Variants in AEN observed in about 807,000 individuals in gnomAD.
AEN encodes apoptosis-enhancing nuclease.
Under a neutral mutation model 17.7 loss-of-function variants are expected in AEN, and 21 were observed. That is an observed-to-expected ratio of 1.19 (90% CI 0.84 to 1.71). The LOEUF is 1.71. Ranked by LOEUF, AEN falls within the 40% of genes most tolerant of loss-of-function variation. The pLI, the probability that AEN is intolerant of heterozygous loss-of-function variation, is 0.00. For synonymous variants in AEN, 190 were observed against 173.0 expected (o/e 1.10, Z -0.77); for missense variants, 462 against 435.9 (o/e 1.06, Z -0.53).
At chr15:88,606,795 C>A in the AEN span, among the ~76,000 whole-genome samples, 1 of 152,202 alleles carries the variant, frequency 6.6e-6, no homozygotes, top group African/African-American at 2.4e-5. Flanking sequence ...AGTAAAGGCG[C>A]ATAGCAGAGC....
chr15:88,611,956 C>T, the AEN span: 6 of 476,544 alleles, frequency 1.3e-5, no homozygotes, highest in Non-Finnish European at 1.7e-5. Context: ...GAAATGGGGG[C>T]AGCCCCCCTT....
chr15:88,618,765 C>A (rs2057758436), upstream of AEN, among the ~76,000 whole-genome samples: 1 of 152,104 alleles, frequency 6.6e-6, no homozygotes, highest in Non-Finnish European at 1.5e-5. Flanking sequence ...CTTTTAAATT[C>A]CTGATAATTA....
rs2057909527 is a variant in AEN at position 88,630,184 on chromosome 15, C to G, written c.868C>G (p.Pro290Ala). The G allele has an allele frequency of 6.2e-7, 1 of 1,613,442 alleles. No individual in the cohort carries two copies. Residue 290 changes from proline to alanine, a missense_variant, in exon 4 of 4, where the codon CCT (proline) becomes GCT (alanine). Pro to Ala is a conservative substitution (Grantham distance 27). Transcript: ENST00000332810. The surrounding 1 kb of genome is among the most constrained non-coding windows in gnomAD (Gnocchi z 5.1). ...SLWTCPEDRE[P>A]DSSTDMEQYM... ...CTGGACCTGCCCCGAGGACAGAGAA[C>G]CTGACAGCAGCACAGACATGGAACA...
chr15:88,629,515 C>G (rs1256475763), intron 3 of AEN, 89 bp downstream of exon 3: 22 of 1,456,098 alleles, frequency 1.5e-5, no homozygotes, highest in African/African-American at 1.4e-5. Flanking sequence ...GGCTGTGTCT[C>G]CAGCCTCCTT....
chr15:88,618,104 G>C (rs1021151492), upstream of AEN, among the ~76,000 whole-genome samples: 1 of 152,120 alleles, frequency 6.6e-6, no homozygotes, highest in Non-Finnish European at 1.5e-5. Context: ...CCCCTTGAGA[G>C]TTTGTAGATT....
chr15:88,622,402 G>A (rs1481559153), intron 1 of AEN, among the ~76,000 whole-genome samples: 1 of 152,198 alleles, frequency 6.6e-6, no homozygotes, highest in African/African-American at 2.4e-5. Context: ...AGCAGGAGGA[G>A]CCGCGGACAA....
chr15:88,624,124 C>T (rs1407832753), intron 1 of AEN, among the ~76,000 whole-genome samples: 2 of 152,240 alleles, frequency 1.3e-5, no homozygotes, highest in African/African-American at 4.8e-5. Flanking sequence ...ACACTTTATG[C>T]TTGGTTTCTG....
chr15:88,629,358 G>T lies in AEN; in HGVS notation c.673G>T (p.Gly225Cys). 6.2e-7 allele frequency: 1 copy of T among 1,614,084 alleles called. No homozygotes were observed. Among genetic ancestry groups the T allele is most frequent in the Non-Finnish European group, 8.5e-7 (1 of 1,180,008 alleles). ...TYVPNFLSEPGLHTRARVSLK... is the reference protein window; with the variant it reads ...TYVPNFLSEPCLHTRARVSLK... Reference sequence around the variant, plus strand: ...TGTCCCAAACTTCCTCAGCGAGCCCGGCCTCCACACCCGGGCCCGGGTCTC... The same window carrying T: ...TGTCCCAAACTTCCTCAGCGAGCCCTGCCTCCACACCCGGGCCCGGGTCTC... The change falls in exon 3 of 4, where the codon GGC (glycine) becomes TGC (cysteine). Residue 225 changes from glycine to cysteine, a missense_variant. Physicochemically the swap from Gly to Cys is radical, Grantham distance 159 (BLOSUM62 -3). Transcript: ENST00000332810.
chr15:88,605,445 C>T, the AEN span, among the ~76,000 whole-genome samples: 1 of 152,202 alleles, frequency 6.6e-6, no homozygotes, highest in African/African-American at 2.4e-5. This position sits in a 1 kb window ranked among gnomAD's most constrained non-coding sequence, Gnocchi z 7.6. Context: ...CTCCTCTTTG[C>T]TTTGCCTGCC....
In AEN at chr15:88,631,278, C is replaced by T. The variant is rs11559060; in HGVS notation, c.*984C>T. On this transcript the variant is annotated 3_prime_UTR_variant, in exon 4 of 4. Coordinates refer to ENST00000332810, the MANE Select transcript of AEN (RefSeq NM_022767.4). ...GGCTGGGGCAGGGCATTGGCAGTTA[C>T]GCAGTGGCCCTGAACCTGGTCTGGT... 49,148 of 411,234 alleles carry T rather than the reference C, an allele frequency of 0.12. 3,255 individuals are homozygous for T. Among genetic ancestry groups the T allele is most frequent in the African/African-American group, 0.17 (8,161 of 49,398 alleles). The allele number at this position is 411,234 out of a possible 1,614,324, so 25.5% of individuals were successfully genotyped here.
upstream of AEN, among the ~76,000 whole-genome samples, chr15:88,616,506 G>C (rs751492573): frequency 6.6e-6 from 1 of 152,218 alleles, no homozygotes; most frequent in Non-Finnish European, 1.5e-5. Context: ...GCAGAAGTTG[G>C]AGGGTGAGTT....
At chr15:88,618,085 T>C (rs972058060), upstream of AEN, among the ~76,000 whole-genome samples, 2 of 152,114 alleles carry the variant, frequency 1.3e-5, no homozygotes, top group Non-Finnish European at 2.9e-5. Flanking sequence ...GAAAATCCCT[T>C]TTTGCCTACC....
chr15:88,618,363 A>T (rs2141363156), upstream of AEN, among the ~76,000 whole-genome samples: 1 of 152,338 alleles, frequency 6.6e-6, no homozygotes, highest in South Asian at 2.1e-4. Flanking sequence ...TATGCAGATA[A>T]ATTTGAACTT....
chr15:88,609,548 G>T, the AEN span, among the ~76,000 whole-genome samples: 1 of 152,306 alleles, frequency 6.6e-6, no homozygotes, highest in East Asian at 1.9e-4. Context: ...TGGGATCATT[G>T]TCATGGAGGA....
In AEN at chr15:88,631,588, A is replaced by G. The variant is rs1817043391; in HGVS notation, c.*1294A>G. The G allele has an allele frequency of 6.3e-6, 1 of 157,620 alleles. No homozygotes were observed. Among genetic ancestry groups the G allele is most frequent in the South Asian group, 1.8e-4 (1 of 5,464 alleles). 9.8% of individuals were successfully genotyped at this position (157,620 alleles called of 1,614,324 possible). Reference sequence around the variant, plus strand: ...CTCATAGGGTTGTAATGAGCACTAAATGTGAAGTGCTTGGCACAGTGCCTG... The same window carrying G: ...CTCATAGGGTTGTAATGAGCACTAAGTGTGAAGTGCTTGGCACAGTGCCTG... On this transcript the variant is annotated 3_prime_UTR_variant, in exon 4 of 4. Transcript: ENST00000332810.
At chr15:88,627,174 CCAGGAA>C in intron 2 of AEN, 1 of 178,556 alleles carries the variant, frequency 5.6e-6, no homozygotes. Flanking sequence ...CACTGATGCA[CCAGGAA>C]TTCCCAAACA....
the AEN span, among the ~76,000 whole-genome samples, chr15:88,605,554 G>A: frequency 2.6e-5 from 4 of 152,236 alleles, no homozygotes; most frequent in Non-Finnish European, 5.9e-5. The surrounding 1 kb of genome is among the most constrained non-coding windows in gnomAD (Gnocchi z 7.6). Flanking sequence ...TCGCCCCAGT[G>A]CAAAGGGCCT....
intron 3 of AEN, among the ~76,000 whole-genome samples, chr15:88,629,672 CTT>C (rs1380006607): frequency 6.6e-6 from 1 of 152,238 alleles, no homozygotes; most frequent in Non-Finnish European, 1.5e-5. Context: ...AGGCCGATCT[CTT>C]CCAGATCTGT....
chr15:88,620,343 A>G (rs2057772071), upstream of AEN, among the ~76,000 whole-genome samples: 2 of 152,162 alleles, frequency 1.3e-5, no homozygotes, highest in African/African-American at 4.8e-5. Flanking sequence ...TCGTGCTCAC[A>G]TAATACGTGT....
Sources: gnomAD v4.1 joint callset for allele counts (sites outside exome capture counted in the v4.1 genomes callset) on GRCh38, gnomAD v4.1.1 for gene constraint, Gnocchi (gnomAD v3.1) non-coding constraint, MANE v1.5 for transcripts, NCBI Gene and HGNC (gene_info 2026-07-23, HGNC 2026-07-21) for gene names.